Variants in KNTC1 observed in about 807,000 individuals in gnomAD.
The protein encoded by KNTC1 is kinetochore-associated protein 1.
In KNTC1, 253 loss-of-function variants were observed where a neutral mutation model predicts 314.4. The observed-to-expected ratio is 0.80, with a 90% CI of 0.73 to 0.89. The LOEUF is 0.89. Ranked by LOEUF, KNTC1 falls within the 40% of genes least tolerant of loss-of-function variation. KNTC1 has a pLI of 0.00. For synonymous variants in KNTC1, 901 were observed against 901.4 expected (o/e 1.00, Z 0.01); for missense variants, 2,475 against 2,572.9 (o/e 0.96, Z 0.82).
Position 122,601,331 on chromosome 12 carries a change from C to T in KNTC1, c.4564-205C>T, listed in dbSNP as rs1259108400. The stretch of plus-strand genomic sequence containing the variant: ...CGATCTCCTGACCTCGTGATCCACC[C>T]GCCTCGGCCTCCCAAAGTGCTAGGA... On this transcript the variant is annotated intron_variant, in intron 44 of 63. Coordinates refer to ENST00000333479, the MANE Select transcript of KNTC1 (RefSeq NM_014708.6). Among the ~76,000 whole-genome samples, 3 of 152,046 alleles carry T rather than the reference C, an allele frequency of 2.0e-5. No homozygotes were observed. In the South Asian group the frequency reaches 6.2e-4, roughly 32 times the overall value.
At chr12:122,554,074 AAAATATATATATATAT>A (rs1172037226) in intron 16 of KNTC1, among the ~76,000 whole-genome samples, 1 of 70,680 alleles carries the variant, frequency 1.4e-5, no homozygotes, top group African/African-American at 5.2e-5. Context: ...TAAAAAAAAA[AAAATATATATATATAT>A]ATATATATAT....
rs775975545 is a variant in KNTC1, at chr12:122,530,157, C to G, written c.94C>G (p.Gln32Glu). ...SRKEHGTALY[Q>E]VDLLVKISSE... ...AAAAGAACATGGAACTGCTTTATAT[C>G]AAGTAGATTTGCTAGTGAAGATCTC... Residue 32 changes from glutamine (Q) to glutamate (E), a missense_variant, in exon 2 of 64, where the codon CAA (glutamine) becomes GAA (glutamate). Physicochemically the swap from Gln to Glu is conservative, Grantham distance 29. Coordinates refer to ENST00000333479, the MANE Select transcript of KNTC1 (RefSeq NM_014708.6). 6.2e-7 allele frequency: 1 copy of G among 1,613,338 alleles called. No homozygotes were observed. The highest frequency in any genetic ancestry group is 8.5e-7 in the Non-Finnish European group (1 of 1,179,458).
chr12:122,602,688 GCCTTTTCA>G lies in KNTC1; in HGVS notation c.4777_4784del (p.Phe1593AspfsTer19). On this transcript the variant is annotated frameshift_variant, in exon 46 of 64. Coordinates refer to ENST00000333479, the MANE Select transcript of KNTC1 (RefSeq NM_014708.6). LOFTEE classifies it high-confidence loss of function. ...TGCCATCAGCTGCCCAAACTAGACT[GCCTTTTCA>G]CCTGATATTCTTTGGCACAGCACAG... 1.2e-6 allele frequency: 2 copies of G among 1,613,906 alleles called. No homozygotes were observed. Among genetic ancestry groups the G allele is most frequent in the Non-Finnish European group, 1.7e-6 (2 of 1,179,820 alleles).
intron 18 of KNTC1, among the ~76,000 whole-genome samples, chr12:122,558,086 C>A (rs1421821297): frequency 2.0e-5 from 3 of 151,336 alleles, no homozygotes; most frequent in African/African-American, 7.3e-5. Flanking sequence ...TCCGTCTCTA[C>A]TAAAAATAAA....
intron 27 of KNTC1, among the ~76,000 whole-genome samples, chr12:122,574,581 C>T (rs146295300): frequency 3.9e-5 from 6 of 152,288 alleles, no homozygotes; most frequent in African/African-American, 1.4e-4. Context: ...ACCTCAGCCT[C>T]CTGAGTAGTT....
rs1869192094 is a variant in KNTC1 at position 122,585,793 on chromosome 12, A to G, written c.3673+19A>G. On this transcript the variant is annotated intron_variant, in intron 37 of 63. Transcript: ENST00000333479. ...CTAGCTGGTAAGTCTTATTTGTATC[A>G]TTATTTTCTATGTGTTTCTGTCTTA... 6.2e-7 allele frequency: 1 copy of G among 1,609,456 alleles called. No individual in the cohort carries two copies. The highest frequency in any genetic ancestry group is 1.3e-5 in the African/African-American group (1 of 74,844).
chr12:122,591,070 G>C (rs1870120848), intron 41 of KNTC1, among the ~76,000 whole-genome samples: 2 of 151,878 alleles, frequency 1.3e-5, no homozygotes, highest in African/African-American at 4.8e-5. Flanking sequence ...AATTTCTCTT[G>C]GATATTGTGT....
chr12:122,586,672 G>C, intron 37 of KNTC1, 29 bp from the exon 38 acceptor site: 3 of 1,259,246 alleles, frequency 2.4e-6, no homozygotes, highest in Non-Finnish European at 2.2e-6. Flanking sequence ...TCTATTTAGT[G>C]TTGTTTAATG....
chr12:122,569,066 A>G (rs1964520709), intron 21 of KNTC1, among the ~76,000 whole-genome samples: 1 of 152,158 alleles, frequency 6.6e-6, no homozygotes, highest in Non-Finnish European at 1.5e-5. Context: ...CTAATGATTA[A>G]TAGGCTTAAT....
intron 6 of KNTC1, among the ~76,000 whole-genome samples, chr12:122,542,337 G>A (rs921671960): frequency 5.3e-5 from 8 of 152,168 alleles, no homozygotes; most frequent in Non-Finnish European, 8.8e-5. Context: ...TTTTGATATG[G>A]CCTTCAAGGA....
chr12:122,564,817 T>G (rs1964199153), intron 20 of KNTC1, among the ~76,000 whole-genome samples: 2 of 152,200 alleles, frequency 1.3e-5, no homozygotes, highest in South Asian at 4.1e-4. Flanking sequence ...CATAGTCAGA[T>G]TCTTACCATA....
intron 33 of KNTC1, 25 bp downstream of exon 33, chr12:122,580,695 CATT>C (rs771556003): frequency 3.5e-6 from 5 of 1,445,334 alleles, no homozygotes; most frequent in East Asian, 2.4e-5. Flanking sequence ...CCATGTTAAA[CATT>C]ATTACTTGAC....
At chr12:122,558,990 C>T (rs187493903) in intron 18 of KNTC1, among the ~76,000 whole-genome samples, 20 of 152,260 alleles carry the variant, frequency 1.3e-4, no homozygotes, top group African/African-American at 3.6e-4. Flanking sequence ...CTATTCTGAA[C>T]GGTTCAAATA....
chr12:122,602,390 TATAAATTA>T (rs1184795513), intron 45 of KNTC1, 171 bp from the exon 46 acceptor site: 1 of 493,980 alleles, frequency 2.0e-6, no homozygotes, highest in Admixed American at 3.7e-5. Context: ...AATCATTGTA[TATAAATTA>T]TAGTTTAGAT....
At chr12:122,563,613 C>T in intron 20 of KNTC1, 2 of 428,402 alleles carry the variant, frequency 4.7e-6, no homozygotes, top group Non-Finnish European at 7.3e-6. Flanking sequence ...GGAATTTTTT[C>T]ACTGCGCCAC....
chr12:122,557,648 T>C lies in KNTC1; in HGVS notation c.1447T>C (p.Tyr483His), dbSNP rs1307933557. Reference sequence around the variant, plus strand: ...CTGCCTGAAAGCTCAGTGGATAACCTATGAAACCACTCAAGAGATGCTGAA... The same window carrying C: ...CTGCCTGAAAGCTCAGTGGATAACCCATGAAACCACTCAAGAGATGCTGAA... ...NYCLKAQWIT[Y>H]ETTQEMLNYA... The change falls in exon 18 of 64, where the codon TAT becomes CAT. Residue 483 changes from tyrosine (Y) to histidine (H), a missense_variant. Tyr to His is a moderately conservative substitution (Grantham distance 83). Coordinates refer to ENST00000333479, the MANE Select transcript of KNTC1 (RefSeq NM_014708.6). 1 of 1,613,416 alleles carries C rather than the reference T, an allele frequency of 6.2e-7. No homozygotes were observed. Among genetic ancestry groups the C allele is most frequent in the African/African-American group, 1.3e-5 (1 of 74,932 alleles).
At chr12:122,586,065 TTGTG>T (rs67253013) in intron 37 of KNTC1, among the ~76,000 whole-genome samples, 119,488 of 150,522 alleles carry the variant, frequency 0.79, 48,035 homozygotes, top group East Asian at 0.92. Context: ...TGTTTCTTTT[TTGTG>T]TGTTTGTTTT....
chr12:122,598,127 C>G (rs544297743), intron 44 of KNTC1, among the ~76,000 whole-genome samples, 189 bp downstream of exon 44: 1 of 152,124 alleles, frequency 6.6e-6, no homozygotes, highest in African/African-American at 2.4e-5. Context: ...ATAGAAATAG[C>G]TTTTCTTCCC....
chr12:122,577,616 A>T, intron 30 of KNTC1, 56 bp from the exon 31 acceptor site: 1 of 1,557,608 alleles, frequency 6.4e-7, no homozygotes, highest in East Asian at 2.3e-5. Flanking sequence ...AGGTAAGGCC[A>T]CACCGTCCTT....
Sources: gnomAD v4.1 joint callset for allele counts (sites outside exome capture counted in the v4.1 genomes callset) on GRCh38, gnomAD v4.1.1 for gene constraint, MANE v1.5 for transcripts, NCBI Gene and HGNC (gene_info 2026-07-23, HGNC 2026-07-21) for gene names.